RIMS1: variants seen among roughly 807,000 people sequenced by gnomAD.
RIMS1 encodes regulating synaptic membrane exocytosis protein 1.
Under a neutral mutation model 214.1 loss-of-function variants are expected in RIMS1, and 83 were observed. That is an observed-to-expected ratio of 0.39 (90% CI 0.32 to 0.47). The LOEUF (loss-of-function observed/expected upper bound fraction) is 0.47. RIMS1 is among the 20% of genes least tolerant of loss of function. The pLI, the probability that RIMS1 is intolerant of heterozygous loss-of-function variation, is 0.99. For missense variants in RIMS1, 2,050 were observed against 2,161.8 expected (o/e 0.95, Z 1.03); for synonymous variants, 793 against 786.8 (o/e 1.01, Z -0.13).
intron 4 of RIMS1, among the ~76,000 whole-genome samples, chr6:72,123,884 T>A (rs1284241272): frequency 6.6e-6 from 1 of 151,788 alleles, no homozygotes; most frequent in East Asian, 1.9e-4. Flanking sequence ...GTGAGATGGG[T>A]TTCCTGAATA....
intron 2 of RIMS1, among the ~76,000 whole-genome samples, chr6:72,037,457 G>A (rs1819967518): frequency 6.6e-6 from 1 of 152,026 alleles, no homozygotes; most frequent in African/African-American, 2.4e-5. Context: ...AATAAGAGCA[G>A]TAACCAATAC....
At chr6:72,263,239 T>C in intron 19 of RIMS1, 1 of 985,166 alleles carries the variant, frequency 1.0e-6, no homozygotes, top group Non-Finnish European at 1.2e-6. Flanking sequence ...GTTTAGTTTC[T>C]TTTCTCCCAA....
intron 2 of RIMS1, among the ~76,000 whole-genome samples, chr6:72,028,724 G>C (rs1305997473): frequency 6.6e-6 from 1 of 152,220 alleles, no homozygotes; most frequent in East Asian, 1.9e-4. Flanking sequence ...ATATTTTAGA[G>C]ACTAAAAGTA....
In RIMS1 at chr6:72,383,609, A is replaced by G. The variant is rs1367124699; in HGVS notation, c.4367-6989A>G. ...GGCAACATAGCAAGACCCCATCTCTAAAAAAAAAAAAAAAAAAAAAAACTA... is the reference window on the plus strand; with the variant it reads ...GGCAACATAGCAAGACCCCATCTCTGAAAAAAAAAAAAAAAAAAAAAACTA... On this transcript the variant is annotated intron_variant, in intron 29 of 33. Transcript: ENST00000521978. 1.4e-4 allele frequency among the ~76,000 whole-genome samples: 6 copies of G among 44,060 alleles called. No individual in the cohort carries two copies. The East Asian group carries it at 1.8e-3, about 14-fold the overall frequency. The allele number at this position is 44,060 out of a possible 152,430, so 28.9% of individuals were successfully genotyped here.
At chr6:72,254,564 T>C (rs2074973601) in intron 16 of RIMS1, among the ~76,000 whole-genome samples, 1 of 152,222 alleles carries the variant, frequency 6.6e-6, no homozygotes, top group Non-Finnish European at 1.5e-5. Context: ...TTTATCTAAA[T>C]AGAATTTGCT....
At position 72,333,649 on chromosome 6, in the gene RIMS1, T is replaced by G. The variant is rs1004285154; in HGVS notation, c.4180T>G (p.Ser1394Ala). Residue 1394 changes from serine to alanine, a missense_variant, in exon 29 of 34, where the codon TCC (serine) becomes GCC (alanine). Around this residue, in one of 6 missense-constraint regions of RIMS1, gnomAD observed 889 missense variants for 885.5 expected, o/e 1.00. Transcript: ENST00000521978. ...CAGACGGATGGGGACTTCAGGAAGATCCATCATGAAGAGCACCAGTGTCAG... is the reference window on the plus strand; with the variant it reads ...CAGACGGATGGGGACTTCAGGAAGAGCCATCATGAAGAGCACCAGTGTCAG... ...QGRRMGTSGR[S>A]IMKSTSVSGE... 2 of 1,598,040 alleles carry G rather than the reference T, an allele frequency of 1.3e-6. No individual in the cohort carries two copies. The highest frequency in any genetic ancestry group is 4.5e-5 in the East Asian group (2 of 44,010).
intron 1 of RIMS1, among the ~76,000 whole-genome samples, chr6:71,937,249 A>G (rs77651224): frequency 6.6e-6 from 1 of 151,990 alleles, no homozygotes; most frequent in Non-Finnish European, 1.5e-5. Flanking sequence ...GTAGATGGAA[A>G]TTTTTTTTAA....
chr6:72,263,051 T>C lies in RIMS1; in HGVS notation c.3117-1924T>C, dbSNP rs2078778547. 8.7e-6 allele frequency: 8 copies of C among 921,900 alleles called. No individual in the cohort carries two copies. In the South Asian group the frequency reaches 3.0e-4, roughly 35 times the overall value. 57.1% of individuals were successfully genotyped at this position (921,900 alleles called of 1,614,324 possible). ...GAGTAAGGATTCAAAATCAGATCTA[T>C]TTGATATCTTCTGTTTAACTAGTTT... On this transcript the variant is annotated intron_variant, in intron 19 of 33. Transcript: ENST00000521978.
intron 1 of RIMS1, among the ~76,000 whole-genome samples, chr6:71,903,308 T>C (rs1423869834): frequency 3.3e-5 from 5 of 152,168 alleles, no homozygotes; most frequent in African/African-American, 1.2e-4. Context: ...CATATGTTGA[T>C]TGGCCGCATG....
At chr6:71,955,693 G>A (rs1791048401) in intron 1 of RIMS1, among the ~76,000 whole-genome samples, 1 of 152,034 alleles carries the variant, frequency 6.6e-6, no homozygotes, top group African/African-American at 2.4e-5. Context: ...GATATGTAAT[G>A]CAAATATTTC....
At chr6:72,051,385 G>A (rs142049697) in intron 2 of RIMS1, among the ~76,000 whole-genome samples, 130 of 152,214 alleles carry the variant, frequency 8.5e-4, no homozygotes, top group Middle Eastern at 3.4e-3. Flanking sequence ...GTGTTTAGAG[G>A]TATTACCTAA....
intron 4 of RIMS1, among the ~76,000 whole-genome samples, chr6:72,175,981 T>C (rs959733677): frequency 5.9e-5 from 9 of 152,206 alleles, no homozygotes; most frequent in Admixed American, 3.3e-4. Context: ...CAATTAAAAA[T>C]GCAGTTACAG....
chr6:72,205,723 CTT>C (rs1457982928), intron 6 of RIMS1, among the ~76,000 whole-genome samples: 2 of 152,010 alleles, frequency 1.3e-5, no homozygotes, highest in Non-Finnish European at 2.9e-5. Context: ...CAAAGAGTAT[CTT>C]GGCATAATAA....
intron 1 of RIMS1, among the ~76,000 whole-genome samples, chr6:71,918,251 A>T (rs1019493875): frequency 6.6e-6 from 1 of 152,096 alleles, no homozygotes; most frequent in African/African-American, 2.4e-5. Context: ...AGTAGAGGAG[A>T]TAGAGAGAGG....
intron 26 of RIMS1, among the ~76,000 whole-genome samples, chr6:72,302,988 A>G (rs1388011307): frequency 6.6e-6 from 1 of 151,032 alleles, no homozygotes; most frequent in African/African-American, 2.4e-5. Flanking sequence ...TTCAAGGTGC[A>G]TAGAGAGAAA....
intron 4 of RIMS1, among the ~76,000 whole-genome samples, chr6:72,122,781 T>A (rs928042752): frequency 2.0e-5 from 3 of 151,890 alleles, no homozygotes; most frequent in African/African-American, 7.2e-5. Flanking sequence ...TTTATAGTAT[T>A]CTCTGATGGT....
chr6:71,945,751 CTT>C (rs397776439), intron 1 of RIMS1, among the ~76,000 whole-genome samples: 2 of 143,592 alleles, frequency 1.4e-5, no homozygotes, highest in Non-Finnish European at 1.5e-5. Context: ...ATGATGTAAT[CTT>C]TTTTTTTTTT....
At position 71,976,946 on chromosome 6, in the gene RIMS1, A is replaced by G. The variant is rs140532490; in HGVS notation, c.245+7883A>G. ...TGTGAATGGGTCTTTGATATTGTGA[A>G]TAGTTGGATAAAAGCTCTTGTCATT... On this transcript the variant is annotated intron_variant, in intron 2 of 33. Coordinates refer to ENST00000521978, the MANE Select transcript of RIMS1 (RefSeq NM_014989.7). 5.2e-3 allele frequency among the ~76,000 whole-genome samples: 799 copies of G among 152,276 alleles called. 7 individuals carry two copies. The highest frequency in any genetic ancestry group is 0.017 in the African/African-American group (694 of 41,574).
intron 2 of RIMS1, among the ~76,000 whole-genome samples, chr6:71,980,466 T>A (rs575785199): frequency 5.3e-5 from 8 of 152,202 alleles, no homozygotes; most frequent in African/African-American, 7.2e-5. Context: ...GAATATATAG[T>A]CTGATTTGAA....
Sources: gnomAD v4.1 joint callset for allele counts (sites outside exome capture counted in the v4.1 genomes callset) on GRCh38, gnomAD v4.1.1 for gene constraint, gnomAD v4.1.1 regional missense constraint, MANE v1.5 for transcripts, NCBI Gene and HGNC (gene_info 2026-07-23, HGNC 2026-07-21) for gene names.